Variants in CEP290 observed in about 807,000 individuals in gnomAD.
The protein encoded by CEP290 is centrosomal protein of 290 kDa.
CEP290 carries 317 observed loss-of-function variants against 344.9 expected under a neutral mutation model. The observed-to-expected ratio is 0.92, with a 90% CI of 0.84 to 1.01. CEP290 has a LOEUF of 1.01. Among genes scored for constraint, CEP290 ranks in the 50% least tolerant of loss-of-function variants. CEP290 has a pLI of 0.00. For missense variants in CEP290, 2,754 were observed against 2,761.4 expected, an observed-to-expected ratio of 1.00 and a Z score of 0.06; for synonymous variants, 932 against 895.8, an observed-to-expected ratio of 1.04 and a Z score of -0.72.
At chr12:88,067,214 TAA>T (rs35708594) in intron 44 of CEP290, among the ~76,000 whole-genome samples, 115 of 142,922 alleles carry the variant, frequency 8.0e-4, no homozygotes, top group African/African-American at 1.1e-3. Flanking sequence ...ACACCAATTG[TAA>T]AAAAAAAAAA....
chr12:88,136,895 A>T, intron 5 of CEP290, 109 bp from the exon 6 acceptor site: 1 of 957,234 alleles, frequency 1.0e-6, no homozygotes, highest in South Asian at 1.5e-5. Flanking sequence ...ATTATACTTC[A>T]GTGCAGATAT....
intron 50 of CEP290, among the ~76,000 whole-genome samples, chr12:88,055,150 T>C (rs1201268885): frequency 1.3e-5 from 2 of 152,240 alleles, no homozygotes; most frequent in East Asian, 1.9e-4. Flanking sequence ...CTTTGTGATG[T>C]GCTTTATGTT....
chr12:88,130,289 G>T lies in CEP290; in HGVS notation c.648C>A (p.Ile216=), dbSNP rs748527265. The T allele has an allele frequency of 3.1e-6, 5 of 1,604,482 alleles. No individual in the cohort carries two copies. The highest frequency in any genetic ancestry group is 2.7e-5 in the African/African-American group (2 of 74,394). ...TTACCTGAATTTCATCAAGATATTG[G>T]ATAAGCTCATAGTTTTTTTTAGACA... is the stretch of plus-strand genomic sequence containing the variant. ...SQLSKKNYEL[I]QYLDEIQTLT... is the part of the protein sequence containing the mutation. Residue 216 remains isoleucine (I), a synonymous_variant, in exon 9 of 54, where the codon ATC becomes ATA. Coordinates refer to ENST00000552810, the MANE Select transcript of CEP290 (RefSeq NM_025114.4).
chr12:88,068,013 T>C (rs1218454967), intron 44 of CEP290, among the ~76,000 whole-genome samples: 1 of 152,164 alleles, frequency 6.6e-6, no homozygotes, highest in Non-Finnish European at 1.5e-5. Context: ...GTAACAAGGA[T>C]AGAAAACATA....
Position 88,133,138 on chromosome 12 carries a change from C to T in CEP290, c.442-1920G>A, listed in dbSNP as rs141265503. 3.8e-3 allele frequency among the ~76,000 whole-genome samples: 552 copies of T among 145,866 alleles called. 4 individuals carry two copies. The highest frequency in any genetic ancestry group is 0.013 in the African/African-American group (522 of 39,004). ...TTGCTAAGGCTAGAGTCCAGTGGTG[C>T]GATCTCAGCTCACTGCAACCTCTGC... On this transcript the variant is annotated intron_variant, in intron 6 of 53. Coordinates refer to ENST00000552810, the MANE Select transcript of CEP290 (RefSeq NM_025114.4).
At chr12:88,120,868 T>G (rs755316983) in intron 14 of CEP290, 129 bp downstream of exon 14, 32 of 742,172 alleles carry the variant, frequency 4.3e-5, no homozygotes, top group Non-Finnish European at 1.0e-5. Flanking sequence ...TATAAATTAA[T>G]GAGGATAATC....
intron 7 of CEP290, 100 bp downstream of exon 7, chr12:88,131,065 G>C: frequency 1.1e-6 from 1 of 892,566 alleles, no homozygotes; most frequent in Non-Finnish European, 1.6e-6. Flanking sequence ...CAGTTACTTA[G>C]AAGACTCCAG....
intron 22 of CEP290, 38 bp downstream of exon 22, chr12:88,111,162 CAT>C: frequency 8.6e-7 from 1 of 1,168,418 alleles, no homozygotes; most frequent in Non-Finnish European, 1.1e-6. Flanking sequence ...TTGTTATTCA[CAT>C]GTAAAATTTT....
At chr12:88,109,369 A>G (rs913027790) in intron 22 of CEP290, among the ~76,000 whole-genome samples, 188 bp from the exon 23 acceptor site, 1 of 152,186 alleles carries the variant, frequency 6.6e-6, no homozygotes, top group African/African-American at 2.4e-5. Context: ...AAAGAGTACT[A>G]TACAACAGGT....
chr12:88,123,349 A>G (rs990439746), intron 13 of CEP290, among the ~76,000 whole-genome samples: 1 of 152,106 alleles, frequency 6.6e-6, no homozygotes, highest in Non-Finnish European at 1.5e-5. Flanking sequence ...ACAGTCCTGG[A>G]AAAGGGTTCC....
chr12:88,097,000 CT>C lies in CEP290; in HGVS notation c.2992-2del. Reference sequence around the variant, plus strand: ...GTTCTTTTAAGGAGATGTTTTCACACTGAATAAAGGAAAAATATCACTAAGA... The same window carrying C: ...GTTCTTTTAAGGAGATGTTTTCACACGAATAAAGGAAAAATATCACTAAGA... On this transcript the variant is annotated splice_acceptor_variant, in intron 26 of 53. Transcript: ENST00000552810. LOFTEE classifies it high-confidence loss of function. The C allele has an allele frequency of 6.9e-7, 1 of 1,452,864 alleles. No individual in the cohort carries two copies. Among genetic ancestry groups the C allele is most frequent in the South Asian group, 1.3e-5 (1 of 78,672 alleles). 90.0% of individuals were successfully genotyped at this position (1,452,864 alleles called of 1,614,324 possible).
chr12:88,100,715 G>A (rs1312191865), intron 26 of CEP290, among the ~76,000 whole-genome samples: 1 of 152,078 alleles, frequency 6.6e-6, no homozygotes, highest in Non-Finnish European at 1.5e-5. Flanking sequence ...CTATGTATAA[G>A]ATGCAGAACT....
intron 39 of CEP290, among the ~76,000 whole-genome samples, chr12:88,078,449 T>C (rs2035949483): frequency 6.6e-6 from 1 of 152,034 alleles, no homozygotes. Context: ...ATCTATAACA[T>C]ATTCTGGAAA....
At chr12:88,118,910 T>G (rs748232993) in intron 15 of CEP290, among the ~76,000 whole-genome samples, 167 bp from the exon 16 acceptor site, 3 of 152,232 alleles carry the variant, frequency 2.0e-5, no homozygotes, top group Admixed American at 6.5e-5. Flanking sequence ...TAACCCAAGT[T>G]AAAATTTTAT....
intron 6 of CEP290, among the ~76,000 whole-genome samples, chr12:88,133,071 G>GTT (rs1565919924): frequency 1.4e-5 from 2 of 147,112 alleles, no homozygotes; most frequent in African/African-American, 5.0e-5. Flanking sequence ...ATCTTGTTCC[G>GTT]GTTTTTTTTT....
At chr12:88,062,643 G>T (rs749231442) in intron 46 of CEP290, 49 bp downstream of exon 46, 2 of 1,221,246 alleles carry the variant, frequency 1.6e-6, no homozygotes, top group East Asian at 2.4e-5. Context: ...TTCATTTCTG[G>T]CTTATCACTG....
chr12:88,074,852 C>G (rs2035641426), intron 41 of CEP290, among the ~76,000 whole-genome samples: 1 of 152,178 alleles, frequency 6.6e-6, no homozygotes, highest in African/African-American at 2.4e-5. Flanking sequence ...GAAGGTGGCA[C>G]CCCAGAAAGG....
At chr12:88,127,309 G>A (rs1237011144) in intron 11 of CEP290, among the ~76,000 whole-genome samples, 3 of 152,118 alleles carry the variant, frequency 2.0e-5, no homozygotes, top group African/African-American at 7.2e-5. Context: ...CCAACACAGT[G>A]TGACCCCATG....
Position 88,111,786 on chromosome 12 carries a change from T to C in CEP290, c.2125A>G (p.Thr709Ala). The C allele has an allele frequency of 6.2e-7, 1 of 1,608,094 alleles. No homozygotes were observed. Among genetic ancestry groups the C allele is most frequent in the Non-Finnish European group, 8.5e-7 (1 of 1,177,452 alleles). The change falls in exon 21 of 54, where the codon ACC becomes GCC. Residue 709 changes from threonine to alanine, a missense_variant. By Grantham distance (58) the Thr-to-Ala change is moderately conservative. Coordinates refer to ENST00000552810, the MANE Select transcript of CEP290 (RefSeq NM_025114.4). ...TGTCTTAATTCTTCATTTCTTCCGG[T>C]AAGCTGATCAACTTGGGCTTTCAAA... ...LHLKAQVDQL[T>A]GRNEELRQEL...
Sources: allele counts gnomAD v4.1 joint callset (sites outside exome capture counted in the v4.1 genomes callset), GRCh38; gene constraint gnomAD v4.1.1; transcripts MANE v1.5; gene names NCBI Gene and HGNC (gene_info 2026-07-23, HGNC 2026-07-21).